Variants in DNAH11 observed in about 807,000 individuals in gnomAD.
The protein encoded by DNAH11 is dynein axonemal heavy chain 11, also known as axonemal beta dynein heavy chain 11.
A neutral mutation model predicts 526.0 loss-of-function variants in DNAH11; 442 were observed. The observed-to-expected ratio is 0.84, with a 90% CI of 0.78 to 0.91. The LOEUF (loss-of-function observed/expected upper bound fraction) is 0.91, where lower values mean the gene tolerates loss of function less well. Ranked by LOEUF, DNAH11 falls within the 40% of genes least tolerant of loss-of-function variation. The pLI, the probability that DNAH11 is intolerant of heterozygous loss-of-function variation, is 0.00. For missense variants in DNAH11, 6,989 were observed against 5,448.7 expected (o/e 1.28, Z -8.90); for synonymous variants, 2,461 against 1,935.9 (o/e 1.27, Z -7.12).
chr7:21,585,889 T>G (rs949467870), intron 9 of DNAH11, among the ~76,000 whole-genome samples: 1 of 152,144 alleles, frequency 6.6e-6, no homozygotes, highest in Admixed American at 6.5e-5. Flanking sequence ...AAGAGAAGCA[T>G]GTGGTGGGAA....
chr7:21,628,220 G>A (rs1383363217), intron 25 of DNAH11, among the ~76,000 whole-genome samples: 4 of 151,862 alleles, frequency 2.6e-5, no homozygotes, highest in African/African-American at 9.7e-5. Context: ...CTAAGTACAA[G>A]ATCATGTAAT....
intron 2 of DNAH11, among the ~76,000 whole-genome samples, chr7:21,551,991 T>A (rs6967459): frequency 0.043 from 6,484 of 152,238 alleles, 137 homozygotes; most frequent in South Asian, 0.06. Context: ...CCACCAAAGG[T>A]TAGCTTTCCA....
In DNAH11 at chr7:21,613,475, A is replaced by G. The variant is rs895511976; in HGVS notation, c.3853-1639A>G. ...ATGTTTCATAATAAAACATTTTAAA[A>G]CTAAAAGAATTGCAGTTCTTGTATG... On this transcript the variant is annotated intron_variant, in intron 20 of 81. Transcript: ENST00000409508. Among the ~76,000 whole-genome samples, 5 of 152,292 alleles carry G rather than the reference A, an allele frequency of 3.3e-5. No individual in the cohort carries two copies. In the East Asian group the frequency reaches 9.7e-4, roughly 29 times the overall value.
At chr7:21,880,365 G>A (rs1420976426) in intron 74 of DNAH11, among the ~76,000 whole-genome samples, 2 of 152,102 alleles carry the variant, frequency 1.3e-5, no homozygotes, top group African/African-American at 2.4e-5. Flanking sequence ...TGAAGATGAT[G>A]GCTTTATGTC....
At chr7:21,669,659 G>T (rs914542566) in intron 30 of DNAH11, among the ~76,000 whole-genome samples, 7 of 28,388 alleles carry the variant, frequency 2.5e-4, no homozygotes, top group Admixed American at 6.1e-4. Context: ...TTTTCTTTTT[G>T]TGTGTGTGTG....
At position 21,892,698 on chromosome 7, in the gene DNAH11, A is replaced by G. The variant is rs1246235729; in HGVS notation, c.12750+31A>G. The G allele has an allele frequency of 3.2e-6, 5 of 1,544,804 alleles. No individual in the cohort carries two copies. In the East Asian group the frequency reaches 7.3e-5, roughly 22 times the overall value. On this transcript the variant is annotated intron_variant, in intron 77 of 81. Transcript: ENST00000409508. The stretch of plus-strand genomic sequence containing the variant: ...GGGTCTTTCCTTCCTTTTCTTTTTC[A>G]TTGAAGTATAACTTACTTGTACTGA...
chr7:21,744,467 A>C lies in DNAH11; in HGVS notation c.8184A>C (p.Leu2728Phe), dbSNP rs374924146. 26 of 1,613,706 alleles carry C rather than the reference A, an allele frequency of 1.6e-5. No individual in the cohort carries two copies. In the East Asian group the frequency reaches 1.8e-4, roughly 11 times the overall value. Residue 2728 changes from leucine to phenylalanine, a missense_variant, in exon 50 of 82, where the codon TTA becomes TTC. Coordinates refer to ENST00000409508, the MANE Select transcript of DNAH11 (RefSeq NM_001277115.2). ...TTTTATTTGCTTCTCCTGAGTGTTT[A>C]AAAGGTCCACTTGATTTAATACATC... is the stretch of plus-strand genomic sequence containing the variant. Reference protein sequence around the residue: ...QGILFASPECLKGPLDLIHLW... With the variant: ...QGILFASPECFKGPLDLIHLW...
At chr7:21,865,182 T>C (rs1318230811) in intron 70 of DNAH11, among the ~76,000 whole-genome samples, 8 of 152,202 alleles carry the variant, frequency 5.3e-5, no homozygotes, top group African/African-American at 1.7e-4. Flanking sequence ...GGCCCTATTG[T>C]TAGAAGTTAA....
chr7:21,637,462 G>T, intron 26 of DNAH11, 149 bp from the exon 27 acceptor site: 1 of 612,432 alleles, frequency 1.6e-6, no homozygotes, highest in Non-Finnish European at 2.9e-6. Context: ...AAAAGCAAAA[G>T]TAAACAGATG....
intron 57 of DNAH11, among the ~76,000 whole-genome samples, chr7:21,782,633 A>C (rs1157365648): frequency 2.0e-5 from 3 of 152,196 alleles, no homozygotes; most frequent in Non-Finnish European, 4.4e-5. Context: ...GCACTTTAGC[A>C]AGACGCAGTG....
At chr7:21,709,723 G>T (rs1166762724) in intron 40 of DNAH11, among the ~76,000 whole-genome samples, 1 of 152,272 alleles carries the variant, frequency 6.6e-6, no homozygotes, top group East Asian at 1.9e-4. Flanking sequence ...AACTATGGCA[G>T]GGAGAGAATC....
chr7:21,761,710 C>G (rs1786926598), intron 54 of DNAH11, among the ~76,000 whole-genome samples: 2 of 152,206 alleles, frequency 1.3e-5, no homozygotes, highest in South Asian at 4.2e-4. Flanking sequence ...CCTCCCAGGC[C>G]CACTCACAAT....
chr7:21,623,872 G>A lies in DNAH11; in HGVS notation c.4500+3794G>A, dbSNP rs1309878284. The stretch of plus-strand genomic sequence containing the variant: ...GGAGATACACCTAATGCTAAATGAC[G>A]AGTTAATGGGTGCAGCACACCAGCA... On this transcript the variant is annotated intron_variant, in intron 25 of 81. Coordinates refer to ENST00000409508, the MANE Select transcript of DNAH11 (RefSeq NM_001277115.2). 3.3e-5 allele frequency among the ~76,000 whole-genome samples: 5 copies of A among 151,670 alleles called. No homozygotes were observed. The South Asian group carries it at 8.3e-4, about 25-fold the overall frequency.
chr7:21,707,044 C>G (rs978265704), intron 39 of DNAH11, among the ~76,000 whole-genome samples: 1 of 152,278 alleles, frequency 6.6e-6, no homozygotes, highest in South Asian at 2.1e-4. Context: ...GGAGGCTATC[C>G]TGCTCATTGA....
rs202048747 is a variant in DNAH11, at chr7:21,894,857, C to T, written c.12934-27C>T. 377 of 1,612,882 alleles carry T rather than the reference C, an allele frequency of 2.3e-4. 1 individual carries two copies. Among genetic ancestry groups the T allele is most frequent in the Non-Finnish European group, 3.1e-4 (365 of 1,179,230 alleles). ...ACTTCAGCACATTGGAAGATATTCA[C>T]TGTGTGGCTTTTTTTCTCCATGCAA... On this transcript the variant is annotated intron_variant, in intron 78 of 81. Coordinates refer to ENST00000409508, the MANE Select transcript of DNAH11 (RefSeq NM_001277115.2).
rs772009922 is a variant in DNAH11 at position 21,735,757 on chromosome 7, G to A, written c.7558G>A (p.Val2520Ile). The change falls in exon 46 of 82, where the codon GTA (valine) becomes ATA (isoleucine). Residue 2520 changes from valine to isoleucine, a missense_variant. Transcript: ENST00000409508. ...GNAGVGKTVF[V>I]GDTLASLSED... The stretch of plus-strand genomic sequence containing the variant: ...TGCAGGAGTGGGAAAAACAGTCTTT[G>A]TAGGTGACACATTGGCAAGTCTCTC... 4.3e-6 allele frequency: 7 copies of A among 1,613,990 alleles called. No individual in the cohort carries two copies.
In DNAH11 at chr7:21,901,444, A is replaced by G; in HGVS notation, c.*190A>G. The G allele has an allele frequency of 1.4e-6, 1 of 708,130 alleles. No individual in the cohort carries two copies. Among genetic ancestry groups the G allele is most frequent in the Non-Finnish European group, 2.0e-6 (1 of 502,774 alleles). 43.9% of individuals were successfully genotyped at this position (708,130 alleles called of 1,614,324 possible). On this transcript the variant is annotated 3_prime_UTR_variant, in exon 82 of 82. Coordinates refer to ENST00000409508, the MANE Select transcript of DNAH11 (RefSeq NM_001277115.2). ...CTAACTCAGGGCTGAGCGTGGTGGC[A>G]CACGACTGTAATCCCAGTTACTCAG...
chr7:21,785,211 A>T (rs754390322), intron 58 of DNAH11, among the ~76,000 whole-genome samples: 2 of 152,192 alleles, frequency 1.3e-5, no homozygotes, highest in African/African-American at 2.4e-5. Context: ...ATTCCATTTC[A>T]AAAAGGAAAG....
chr7:21,646,311 A>G (rs767913394), intron 28 of DNAH11, among the ~76,000 whole-genome samples: 9 of 152,330 alleles, frequency 5.9e-5, no homozygotes, highest in Middle Eastern at 6.8e-3. Context: ...AACAAAATAT[A>G]TGAAAAACAG....
Sources: allele counts gnomAD v4.1 joint callset (sites outside exome capture counted in the v4.1 genomes callset), GRCh38; gene constraint gnomAD v4.1.1; transcripts MANE v1.5; gene names NCBI Gene and HGNC (gene_info 2026-07-23, HGNC 2026-07-21).